The following MIGA2 variants were observed in gnomAD, a reference collection of about 807,000 sequenced individuals.
MIGA2 encodes mitoguardin 2.
In MIGA2, 36 loss-of-function variants were observed where a neutral mutation model predicts 69.9. The ratio of observed to expected loss-of-function variants is 0.52; its 90% CI spans 0.39 to 0.68. The LOEUF (loss-of-function observed/expected upper bound fraction) is 0.68. MIGA2 is among the 30% of genes least tolerant of loss of function. MIGA2 has a pLI of 0.00. For synonymous variants in MIGA2, 333 were observed against 349.2 expected, an observed-to-expected ratio of 0.95 and a Z score of 0.52; for missense variants, 660 against 787.7, an observed-to-expected ratio of 0.84 and a Z score of 1.94.
rs938304739 is a variant in MIGA2, at chr9:129,071,074, C to G, written c.*621C>G. On this transcript the variant is annotated 3_prime_UTR_variant, in exon 16 of 16. Transcript: ENST00000684074. ...CAGTGTCCTTTGACATTCCCTCGCC[C>G]TACCAAAGATCGTCTTTTCTCCTCC... The G allele has an allele frequency of 6.5e-6, 1 of 152,686 alleles. No individual in the cohort carries two copies. Among genetic ancestry groups the G allele is most frequent in the African/African-American group, 2.4e-5 (1 of 41,460 alleles). 9.5% of individuals were successfully genotyped at this position (152,686 alleles called of 1,614,324 possible). A position where few individuals can be genotyped will look rare whatever the true frequency, so the allele number is the denominator to read the frequency against.
chr9:129,042,638 CTGATCTGTGAGCGGGA>C, intron 3 of MIGA2, 124 bp downstream of exon 3: 1 of 995,886 alleles, frequency 1.0e-6, no homozygotes, highest in East Asian at 2.6e-5. Flanking sequence ...CCAAGGTCTC[CTGATCTGTGAGCGGGA>C]TGACAGTAGC....
intron 9 of MIGA2, among the ~76,000 whole-genome samples, chr9:129,062,923 C>T (rs530820770): frequency 1.3e-5 from 2 of 152,282 alleles, no homozygotes; most frequent in African/African-American, 4.8e-5. Flanking sequence ...CATCTGCTGT[C>T]AGGAGGCAGT....
At chr9:129,039,728 TTTTGTTTG>T (rs36142631) in intron 1 of MIGA2, 4,938 of 157,506 alleles carry the variant, frequency 0.031, 236 homozygotes, top group African/African-American at 0.1. Flanking sequence ...CCAGCTAGTT[TTTTGTTTG>T]TTTGTTTGTT....
chr9:129,049,551 T>G, intron 5 of MIGA2, 53 bp downstream of exon 5: 4 of 1,562,120 alleles, frequency 2.6e-6, no homozygotes, highest in Non-Finnish European at 3.5e-6. Context: ...GCAGGAACAG[T>G]CCCTTCCTAG....
At position 129,070,628 on chromosome 9, in the gene MIGA2, G is replaced by A. The variant is rs1846631048; in HGVS notation, c.*175G>A. 1.2e-5 allele frequency: 8 copies of A among 689,468 alleles called. No homozygotes were observed. Among genetic ancestry groups the A allele is most frequent in the Non-Finnish European group, 1.4e-5 (6 of 424,218 alleles). The allele number at this position is 689,468 out of a possible 1,614,324, so 42.7% of individuals were successfully genotyped here. ...CCATGGAGAAGAACGGTTCCTGGGG[G>A]AAGCAGAGGCCAGGACCAGTGGGGC... On this transcript the variant is annotated 3_prime_UTR_variant, in exon 16 of 16. Coordinates refer to ENST00000684074, the MANE Select transcript of MIGA2 (RefSeq NM_001329990.2).
Position 129,063,533 on chromosome 9 carries a change from C to T in MIGA2, c.1084-12C>T, listed in dbSNP as rs1040754304. On this transcript the variant is annotated splice_polypyrimidine_tract_variant and intron_variant, in intron 10 of 15. Coordinates refer to ENST00000684074, the MANE Select transcript of MIGA2 (RefSeq NM_001329990.2). The stretch of plus-strand genomic sequence containing the variant: ...CCCGGCAGCTCACTCCCCTCCCTTC[C>T]TCCTTCCCTAGGGGCTTCTGGAAGA... 1.9e-6 allele frequency: 3 copies of T among 1,613,588 alleles called. No homozygotes were observed. The African/African-American group carries it at 4.0e-5, about 22-fold the overall frequency.
In MIGA2 at chr9:129,060,562, T is replaced by C. The variant is rs562937800; in HGVS notation, c.806T>C (p.Met269Thr). The C allele has an allele frequency of 7.5e-6, 12 of 1,598,478 alleles. No individual in the cohort carries two copies. The South Asian group carries it at 1.4e-4, about 18-fold the overall frequency. The change falls in exon 8 of 16, where the codon ATG becomes ACG. Residue 269 changes from methionine (M) to threonine (T), a missense_variant. Around this residue, in one of 3 missense-constraint regions of MIGA2, gnomAD observed 386 missense variants for 402.0 expected, o/e 0.96. Coordinates refer to ENST00000684074, the MANE Select transcript of MIGA2 (RefSeq NM_001329990.2). The surrounding 1 kb of genome is among the most constrained non-coding windows in gnomAD (Gnocchi z 4.8). The stretch of plus-strand genomic sequence containing the variant: ...CTGCTCTTCCCAGAGAGGACCCTCA[T>C]GCTGCCCCTGACCGAGGGCTCGCTG... ...SMLLDLERTL[M>T]LPLTEGSLRL...
chr9:129,063,389 G>A (rs1351735762), intron 10 of MIGA2, 73 bp downstream of exon 10: 1 of 1,578,900 alleles, frequency 6.3e-7, no homozygotes, highest in Non-Finnish European at 8.6e-7. Flanking sequence ...TGTGTGGCAT[G>A]TATGTGGCCT....
intron 11 of MIGA2, 140 bp from the exon 12 acceptor site, chr9:129,067,633 C>A: frequency 1.4e-6 from 1 of 718,200 alleles, no homozygotes; most frequent in Non-Finnish European, 2.3e-6. Context: ...GAGTAGGAGA[C>A]ACTTCTCTGC....
chr9:129,067,633 C>T (rs943869251), intron 11 of MIGA2, 140 bp from the exon 12 acceptor site: 5 of 718,200 alleles, frequency 7.0e-6, no homozygotes, highest in Non-Finnish European at 1.2e-5. Context: ...GAGTAGGAGA[C>T]ACTTCTCTGC....
In MIGA2 at chr9:129,036,656, G is replaced by C. The variant is rs927188697; in HGVS notation, c.-169G>C. 6.1e-6 allele frequency: 1 copy of C among 165,148 alleles called. No homozygotes were observed. Among genetic ancestry groups the C allele is most frequent in the Non-Finnish European group, 1.5e-5 (1 of 68,194 alleles). 10.2% of individuals were successfully genotyped at this position (165,148 alleles called of 1,614,324 possible). A position where few individuals can be genotyped will look rare whatever the true frequency, so the allele number is the denominator to read the frequency against. On this transcript the variant is annotated 5_prime_UTR_variant, in exon 1 of 16. Transcript: ENST00000684074. ...CGCAGCCGCCGGGGAAGGAGACGCTGCCCTTCCGCAGCGATGGCATCCCGG... is the reference window on the plus strand; with the variant it reads ...CGCAGCCGCCGGGGAAGGAGACGCTCCCCTTCCGCAGCGATGGCATCCCGG...
chr9:129,039,217 G>T (rs1485790980), intron 1 of MIGA2, among the ~76,000 whole-genome samples: 37 of 137,356 alleles, frequency 2.7e-4, no homozygotes, highest in Non-Finnish European at 5.2e-4. Context: ...GTGTGTGTGT[G>T]TGTTTTATTT....
intron 11 of MIGA2, among the ~76,000 whole-genome samples, chr9:129,064,216 T>G (rs954533663): frequency 6.6e-6 from 1 of 152,072 alleles, no homozygotes; most frequent in Admixed American, 6.5e-5. Flanking sequence ...TTTCGTCTTT[T>G]TTTTTTTTGA....
intron 5 of MIGA2, 52 bp from the exon 6 acceptor site, chr9:129,049,775 G>C: frequency 6.2e-7 from 1 of 1,610,746 alleles, no homozygotes; most frequent in Non-Finnish European, 8.5e-7. Context: ...GCCCCCTCTT[G>C]GGTGAGACTG....
chr9:129,055,238 C>T (rs983299858), intron 6 of MIGA2, among the ~76,000 whole-genome samples: 2 of 151,864 alleles, frequency 1.3e-5, no homozygotes, highest in African/African-American at 4.8e-5. Flanking sequence ...CCACTATGCC[C>T]AGCTAATTTT....
intron 6 of MIGA2, among the ~76,000 whole-genome samples, chr9:129,054,416 C>T (rs967760710): frequency 6.6e-6 from 1 of 152,204 alleles, no homozygotes; most frequent in African/African-American, 2.4e-5. Flanking sequence ...CATGATTGTG[C>T]CACTGCATTC....
In MIGA2 at chr9:129,040,503, A is replaced by G. The variant is rs1844839187; in HGVS notation, c.-92A>G. 6.7e-7 allele frequency: 1 copy of G among 1,494,478 alleles called. No individual in the cohort carries two copies. Among genetic ancestry groups the G allele is most frequent in the Non-Finnish European group, 9.0e-7 (1 of 1,112,058 alleles). The allele number at this position is 1,494,478 out of a possible 1,614,324, so 92.6% of individuals were successfully genotyped here. ...GTGTCCCTGTCCTTCTGGGGCGTGG[A>G]TGGTGCCTGGGACCCAGCTGGCAAC... On this transcript the variant is annotated 5_prime_UTR_variant, in exon 2 of 16. It removes an upstream start codon present in the reference 5' UTR. Transcript: ENST00000684074.
chr9:129,066,823 T>C lies in MIGA2; in HGVS notation c.1171-950T>C, dbSNP rs564958772. 9.4e-4 allele frequency among the ~76,000 whole-genome samples: 142 copies of C among 150,700 alleles called. 1 individual carries two copies. The highest frequency in any genetic ancestry group is 1.7e-3 in the Non-Finnish European group (112 of 67,772). ...AAATACAAAAAAAATTAGCCGGGCG[T>C]GGTGGCGGGCACCTGTAGTCCCAGC... On this transcript the variant is annotated intron_variant, in intron 11 of 15. Coordinates refer to ENST00000684074, the MANE Select transcript of MIGA2 (RefSeq NM_001329990.2).
Position 129,048,457 on chromosome 9 carries a change from G to A in MIGA2, c.338G>A (p.Ser113Asn), listed in dbSNP as rs778176033. 6.2e-7 allele frequency: 1 copy of A among 1,614,060 alleles called. No individual in the cohort carries two copies. Among genetic ancestry groups the A allele is most frequent in the Non-Finnish European group, 8.5e-7 (1 of 1,179,960 alleles). ...TCCAGCCGGAGAGTCCAGAGCCCCA[G>A]CAGCAAGAGCAACGACACCCTGAGT... ...GYSSRRVQSP[S>N]SKSNDTLSGI... Residue 113 changes from serine (S) to asparagine (N), a missense_variant, in exon 4 of 16, where the codon AGC becomes AAC. Physicochemically the swap from Ser to Asn is conservative, Grantham distance 46. Coordinates refer to ENST00000684074, the MANE Select transcript of MIGA2 (RefSeq NM_001329990.2).
Sources: allele counts gnomAD v4.1 joint callset (sites outside exome capture counted in the v4.1 genomes callset), GRCh38; gene constraint gnomAD v4.1.1; regional missense constraint gnomAD v4.1.1; non-coding constraint Gnocchi (gnomAD v3.1); transcripts MANE v1.5; gene names NCBI Gene and HGNC (gene_info 2026-07-23, HGNC 2026-07-21).